FOXP2: variants seen among roughly 807,000 people sequenced by gnomAD.
FOXP2 encodes forkhead box P2, also known as forkhead box protein P2.
Under a neutral mutation model 115.8 loss-of-function variants are expected in FOXP2, and 12 were observed. That is an observed-to-expected ratio of 0.10 (90% CI 0.07 to 0.17). FOXP2 has a LOEUF of 0.17. Ranked by LOEUF, FOXP2 falls within the 10% of genes least tolerant of loss-of-function variation. The pLI is 1.00. For synonymous variants in FOXP2, 328 were observed against 297.7 expected, an observed-to-expected ratio of 1.10 and a Z score of -1.05; for missense variants, 629 against 843.5, an observed-to-expected ratio of 0.75 and a Z score of 3.15.
chr7:114,610,003 A>G (rs1459544108), intron 3 of FOXP2, among the ~76,000 whole-genome samples: 3 of 152,202 alleles, frequency 2.0e-5, no homozygotes, highest in Admixed American at 2.0e-4. Context: ...CAACACAACT[A>G]TATTACTTGC....
intron 2 of FOXP2, among the ~76,000 whole-genome samples, chr7:114,327,543 C>A (rs1184925999): frequency 6.6e-6 from 1 of 151,450 alleles, no homozygotes; most frequent in Admixed American, 6.6e-5. Context: ...GCTCTGTTGC[C>A]CAGGCTGGAG....
chr7:114,204,905 T>A (rs1012153416), intron 1 of FOXP2, among the ~76,000 whole-genome samples: 10 of 103,958 alleles, frequency 9.6e-5, no homozygotes, highest in Admixed American at 7.4e-4. Flanking sequence ...TGGCTGTTGG[T>A]TGTGTGTGCC....
At chr7:114,187,312 G>A (rs1234452617) in intron 1 of FOXP2, among the ~76,000 whole-genome samples, 1 of 152,158 alleles carries the variant, frequency 6.6e-6, no homozygotes, top group Non-Finnish European at 1.5e-5. Flanking sequence ...ATACTGAGCT[G>A]CTTAGATAAT....
At chr7:114,237,478 A>T (rs1457487449) in intron 1 of FOXP2, among the ~76,000 whole-genome samples, 1 of 152,344 alleles carries the variant, frequency 6.6e-6, no homozygotes, top group Non-Finnish European at 1.5e-5. Flanking sequence ...ATTGTAATAT[A>T]CAATGGCTAA....
chr7:114,089,116 C>T (rs1016672601), intron 1 of FOXP2, among the ~76,000 whole-genome samples: 1 of 151,904 alleles, frequency 6.6e-6, no homozygotes, highest in African/African-American at 2.4e-5. Flanking sequence ...CATATTCAGT[C>T]GTCAGTCTAG....
chr7:114,622,310 C>G (rs1804296829), intron 3 of FOXP2, among the ~76,000 whole-genome samples: 1 of 151,940 alleles, frequency 6.6e-6, no homozygotes, highest in African/African-American at 2.4e-5. Context: ...CAGTGAGTTG[C>G]TGTATCTACA....
At chr7:114,468,271 G>A (rs1279195011) in intron 2 of FOXP2, among the ~76,000 whole-genome samples, 1 of 151,966 alleles carries the variant, frequency 6.6e-6, no homozygotes, top group East Asian at 1.9e-4. Context: ...TTTAAAGTTT[G>A]CCCGTATCTA....
intron 2 of FOXP2, among the ~76,000 whole-genome samples, chr7:114,472,118 G>T (rs549626840): frequency 1.3e-5 from 2 of 152,254 alleles, no homozygotes; most frequent in Admixed American, 1.3e-4. Flanking sequence ...CTAGCTGAAA[G>T]GGTTAATGAG....
chr7:114,218,022 C>A (rs2129163109), intron 1 of FOXP2, among the ~76,000 whole-genome samples: 1 of 152,188 alleles, frequency 6.6e-6, no homozygotes, highest in Non-Finnish European at 1.5e-5. Context: ...ATTTTAAGAT[C>A]ATACTTTGTA....
At chr7:114,234,821 T>A (rs1353955011) in intron 1 of FOXP2, among the ~76,000 whole-genome samples, 1 of 152,188 alleles carries the variant, frequency 6.6e-6, no homozygotes, top group Non-Finnish European at 1.5e-5. Flanking sequence ...ACCTCTTTTC[T>A]CTTGTCGTAG....
chr7:114,642,783 T>C (rs1805616964), intron 7 of FOXP2, among the ~76,000 whole-genome samples, 160 bp downstream of exon 7: 1 of 82,530 alleles, frequency 1.2e-5, no homozygotes, highest in African/African-American at 6.4e-5. Context: ...ATATATAATA[T>C]ATATATATAT....
chr7:114,570,736 A>C (rs1275266441), intron 3 of FOXP2: 18 of 1,110,262 alleles, frequency 1.6e-5, no homozygotes, highest in African/African-American at 6.2e-5. Context: ...TAAAAATGAT[A>C]ATGTACGTTA....
chr7:114,675,912 AT>A (rs1269582898), intron 16 of FOXP2, among the ~76,000 whole-genome samples: 1 of 150,506 alleles, frequency 6.6e-6, no homozygotes, highest in Non-Finnish European at 1.5e-5. Flanking sequence ...TATTATTATT[AT>A]TATTATTATT....
intron 2 of FOXP2, among the ~76,000 whole-genome samples, chr7:114,306,333 A>G (rs1197268100): frequency 2.6e-5 from 4 of 152,160 alleles, no homozygotes; most frequent in Non-Finnish European, 2.9e-5. Flanking sequence ...ATATGGCCCA[A>G]ATGGATCCTG....
chr7:114,149,607 T>A (rs1792476780), intron 1 of FOXP2, among the ~76,000 whole-genome samples: 1 of 152,064 alleles, frequency 6.6e-6, no homozygotes, highest in South Asian at 2.1e-4. Context: ...TTAACATTTT[T>A]TTTTTATCTA....
At chr7:114,322,244 C>T (rs756514406) in intron 2 of FOXP2, among the ~76,000 whole-genome samples, 2 of 151,816 alleles carry the variant, frequency 1.3e-5, no homozygotes, top group Non-Finnish European at 2.9e-5. Context: ...GCTGCTGTCA[C>T]ACTCCTAGAC....
chr7:114,096,420 C>G (rs960884576), intron 1 of FOXP2, among the ~76,000 whole-genome samples: 1 of 152,118 alleles, frequency 6.6e-6, no homozygotes, highest in African/African-American at 2.4e-5. Context: ...CTTTAAGTTG[C>G]CCTTTTATCC....
intron 3 of FOXP2, among the ~76,000 whole-genome samples, chr7:114,535,527 CA>C (rs1238736663): frequency 6.7e-6 from 1 of 150,260 alleles, no homozygotes; most frequent in Non-Finnish European, 1.5e-5. Context: ...GTGGCTTTAA[CA>C]AAAAAAACAA....
At chr7:114,557,022 T>G (rs1420712926) in intron 3 of FOXP2, among the ~76,000 whole-genome samples, 2 of 152,208 alleles carry the variant, frequency 1.3e-5, no homozygotes, top group Non-Finnish European at 2.9e-5. Context: ...AGTAATTTTA[T>G]TTTTCATTTC....
Sources: allele counts gnomAD v4.1 joint callset (sites outside exome capture counted in the v4.1 genomes callset), GRCh38; gene constraint gnomAD v4.1.1; transcripts MANE v1.5; gene names NCBI Gene and HGNC (gene_info 2026-07-23, HGNC 2026-07-21).